PDZD9: variants seen among roughly 807,000 people sequenced by gnomAD.
PDZD9 encodes PDZ domain-containing protein 9.
In PDZD9, 13 loss-of-function variants were observed where a neutral mutation model predicts 16.3. That is an observed-to-expected ratio of 0.80 (90% CI 0.52 to 1.27). PDZD9 has a LOEUF of 1.27. PDZD9 is among the 50% of genes most tolerant of loss of function. PDZD9 has a pLI of 0.00. For synonymous variants in PDZD9, 120 were observed against 111.0 expected, an observed-to-expected ratio of 1.08 and a Z score of -0.51; for missense variants, 288 against 310.9, an observed-to-expected ratio of 0.93 and a Z score of 0.55.
intron 2 of PDZD9, among the ~76,000 whole-genome samples, chr16:21,993,000 A>T (rs971312064): frequency 6.6e-6 from 1 of 151,520 alleles, no homozygotes; most frequent in African/African-American, 2.4e-5. Context: ...ACACACTCAC[A>T]CTCCCTCCTG....
intron 1 of PDZD9, 21 bp downstream of exon 1, chr16:22,000,996 C>G: frequency 6.5e-7 from 1 of 1,533,070 alleles, no homozygotes; most frequent in Non-Finnish European, 8.7e-7. Flanking sequence ...CTTCTTCACC[C>G]GCTTCCTTCT....
At chr16:21,967,001 C>T in the PDZD9 span, among the ~76,000 whole-genome samples, 1 of 151,994 alleles carries the variant, frequency 6.6e-6, no homozygotes, top group Non-Finnish European at 1.5e-5. Context: ...TAGGACATAC[C>T]AAAAGGTCCC....
chr16:21,992,940 A>T (rs1023096493), intron 2 of PDZD9, among the ~76,000 whole-genome samples: 3 of 152,084 alleles, frequency 2.0e-5, no homozygotes, highest in Admixed American at 2.0e-4. Flanking sequence ...ATAGTGAGTG[A>T]GTTCTCATGA....
Position 21,988,602 on chromosome 16 carries a change from C to G in PDZD9, c.401G>C (p.Ser134Thr). 1.9e-6 allele frequency: 3 copies of G among 1,604,640 alleles called. No homozygotes were observed. The highest frequency in any genetic ancestry group is 2.6e-6 in the Non-Finnish European group (3 of 1,173,514). Residue 134 changes from serine (S) to threonine (T), a missense_variant and splice_region_variant, in exon 3 of 4, where the codon AGC becomes ACC. Ser to Thr is a moderately conservative substitution (Grantham distance 58). Transcript: ENST00000424898. Reference sequence around the variant, plus strand: ...AGAGTTCCTAAAATGAACTATTTACCTTGTTACTGGGAATTTGGCCTCAGG... The same window carrying G: ...AGAGTTCCTAAAATGAACTATTTACGTTGTTACTGGGAATTTGGCCTCAGG... ...LIPEAKFPVTSTPKKIELAKD... is the reference protein window; with the variant it reads ...LIPEAKFPVTTTPKKIELAKD...
chr16:21,993,093 A>T (rs552673439), intron 2 of PDZD9, among the ~76,000 whole-genome samples: 2 of 152,262 alleles, frequency 1.3e-5, no homozygotes, highest in East Asian at 3.9e-4. Flanking sequence ...CGGAACTGTG[A>T]GTCAATTAAA....
chr16:21,971,781 T>C, the PDZD9 span: 2 of 1,343,922 alleles, frequency 1.5e-6, no homozygotes, highest in Non-Finnish European at 2.1e-6. Flanking sequence ...TTGTGTGTGT[T>C]TGGGGACAGG....
chr16:21,983,378 A>G, downstream of PDZD9: 1 of 529,718 alleles, frequency 1.9e-6, no homozygotes, highest in Non-Finnish European at 3.3e-6. Context: ...TCAATGAGTT[A>G]ATCAACAAGT....
the PDZD9 span, among the ~76,000 whole-genome samples, chr16:21,977,537 T>C: frequency 6.6e-6 from 1 of 152,126 alleles, no homozygotes; most frequent in Non-Finnish European, 1.5e-5. Context: ...TGTCTGCTAT[T>C]TGGCAATTTA....
chr16:21,997,086 G>T (rs989373398), intron 1 of PDZD9, among the ~76,000 whole-genome samples: 6 of 152,184 alleles, frequency 3.9e-5, no homozygotes, highest in Admixed American at 2.0e-4. Flanking sequence ...GCCTCCCAAA[G>T]TGCTGGCATT....
At chr16:21,961,859 G>T in the PDZD9 span, among the ~76,000 whole-genome samples, 1 of 151,120 alleles carries the variant, frequency 6.6e-6, no homozygotes, top group Non-Finnish European at 1.5e-5. Context: ...CACCCTGTTG[G>T]CCAGGCTGGT....
the PDZD9 span, among the ~76,000 whole-genome samples, chr16:21,960,287 CTATTA>C: frequency 6.6e-6 from 1 of 152,214 alleles, no homozygotes; most frequent in Non-Finnish European, 1.5e-5. Flanking sequence ...TCACTGTGTA[CTATTA>C]TATTAAGAAG....
intron 2 of PDZD9, chr16:21,995,111 C>T (rs2141961667): frequency 2.5e-6 from 1 of 407,364 alleles, no homozygotes; most frequent in South Asian, 1.8e-5. Context: ...GACTGGATCA[C>T]AAGGGCAGAT....
chr16:21,988,220 G>A (rs1898930454), intron 3 of PDZD9, among the ~76,000 whole-genome samples: 1 of 151,946 alleles, frequency 6.6e-6, no homozygotes, highest in South Asian at 2.1e-4. Context: ...ATGTTGGCCA[G>A]GATGGTCTCG....
In PDZD9 at chr16:22,000,780, C is replaced by T. The variant is rs139051625; in HGVS notation, c.31+237G>A. The stretch of plus-strand genomic sequence containing the variant: ...CAGAGGTTGCAGTGAGCTGAGATCG[C>T]GCCACTGCACTCCAGCCTGGGGGAC... On this transcript the variant is annotated intron_variant, in intron 1 of 3. Coordinates refer to ENST00000424898, the MANE Select transcript of PDZD9 (RefSeq NM_001363519.1). Among the ~76,000 whole-genome samples, 1,380 of 150,628 alleles carry T rather than the reference C, an allele frequency of 9.2e-3. 23 individuals carry two copies. The highest frequency in any genetic ancestry group is 0.032 in the African/African-American group (1,303 of 40,902).
chr16:21,995,199 T>TA, intron 2 of PDZD9: 1 of 457,402 alleles, frequency 2.2e-6, no homozygotes, highest in Non-Finnish European at 4.4e-6. Context: ...CACCTCCCCC[T>TA]ACTCTCTCTT....
the PDZD9 span, chr16:21,971,682 T>A: frequency 6.5e-7 from 1 of 1,536,402 alleles, no homozygotes; most frequent in Non-Finnish European, 9.0e-7. Flanking sequence ...TAGAATAGCA[T>A]ATTGAGGTGG....
At chr16:21,977,188 CAA>C in the PDZD9 span, among the ~76,000 whole-genome samples, 2 of 151,964 alleles carry the variant, frequency 1.3e-5, no homozygotes, top group African/African-American at 4.8e-5. Context: ...ACTGTCTTTA[CAA>C]AAAGATATTT....
At chr16:21,977,140 G>C in the PDZD9 span, among the ~76,000 whole-genome samples, 1 of 152,066 alleles carries the variant, frequency 6.6e-6, no homozygotes, top group African/African-American at 2.4e-5. Flanking sequence ...GATCACTTGA[G>C]GCCAGGAGTT....
At chr16:21,977,218 G>A in the PDZD9 span, among the ~76,000 whole-genome samples, 2 of 152,076 alleles carry the variant, frequency 1.3e-5, no homozygotes, top group African/African-American at 4.8e-5. Context: ...GCCAGGTGTG[G>A]TAGTGTGTGC....
Sources: allele counts gnomAD v4.1 joint callset (sites outside exome capture counted in the v4.1 genomes callset), GRCh38; gene constraint gnomAD v4.1.1; transcripts MANE v1.5; gene names NCBI Gene and HGNC (gene_info 2026-07-23, HGNC 2026-07-21).